The following ZDHHC20 variants were observed in gnomAD, a reference collection of about 807,000 sequenced individuals.
ZDHHC20 encodes the protein palmitoyltransferase ZDHHC20.
In ZDHHC20, 43 loss-of-function variants were observed where a neutral mutation model predicts 57.8. The ratio of observed to expected loss-of-function variants is 0.74; its 90% CI spans 0.58 to 0.96. The LOEUF (loss-of-function observed/expected upper bound fraction) is 0.96. Ranked by LOEUF, ZDHHC20 falls within the 40% of genes least tolerant of loss-of-function variation. The pLI is 0.00. For missense variants in ZDHHC20, 391 were observed against 441.1 expected (o/e 0.89, Z 1.02); for synonymous variants, 157 against 153.0 (o/e 1.03, Z -0.19).
chr13:21,424,110 T>C (rs1269557747), intron 2 of ZDHHC20, among the ~76,000 whole-genome samples: 2 of 152,134 alleles, frequency 1.3e-5, no homozygotes, highest in East Asian at 1.9e-4. Context: ...AGACCTAGAA[T>C]ATGGTAAGTA....
At chr13:21,450,188 T>A (rs1453132380) in intron 1 of ZDHHC20, among the ~76,000 whole-genome samples, 1 of 152,130 alleles carries the variant, frequency 6.6e-6, no homozygotes, top group Non-Finnish European at 1.5e-5. Flanking sequence ...GAGTTTTGTC[T>A]ACAATGCCTA....
Position 21,451,604 on chromosome 13 carries a change from A to T in ZDHHC20, c.118+7450T>A, listed in dbSNP as rs556651988. On this transcript the variant is annotated intron_variant, in intron 1 of 12. Transcript: ENST00000400590. ...TGAAAACAGAAAAATACAAATTAGGATGTGAAGTGAAGAGTAGGGGAGAAA... is the reference window on the plus strand; with the variant it reads ...TGAAAACAGAAAAATACAAATTAGGTTGTGAAGTGAAGAGTAGGGGAGAAA... Among the ~76,000 whole-genome samples the T allele has an allele frequency of 7.9e-5, 12 of 152,314 alleles. No individual in the cohort carries two copies. The South Asian group carries it at 2.3e-3, about 29-fold the overall frequency.
At chr13:21,443,836 C>G (rs757850667) in intron 1 of ZDHHC20, among the ~76,000 whole-genome samples, 1 of 152,156 alleles carries the variant, frequency 6.6e-6, no homozygotes, top group Admixed American at 6.5e-5. Context: ...CCACATGTGG[C>G]TATAGATAAC....
At chr13:21,445,198 C>T (rs979778409) in intron 1 of ZDHHC20, among the ~76,000 whole-genome samples, 1 of 151,894 alleles carries the variant, frequency 6.6e-6, no homozygotes, top group Non-Finnish European at 1.5e-5. Context: ...TAATGAAAGG[C>T]CTGCAAATAG....
intron 8 of ZDHHC20, among the ~76,000 whole-genome samples, chr13:21,389,674 G>A (rs1190597148): frequency 1.3e-5 from 2 of 152,140 alleles, no homozygotes; most frequent in African/African-American, 2.4e-5. Flanking sequence ...AAGAAGGCAC[G>A]ACTGGCAAGA....
intron 1 of ZDHHC20, among the ~76,000 whole-genome samples, chr13:21,426,862 C>T (rs1881322886): frequency 6.6e-6 from 1 of 152,208 alleles, no homozygotes; most frequent in Non-Finnish European, 1.5e-5. Context: ...CCCACCTCAG[C>T]CTCCCAAAGT....
chr13:21,381,677 C>T, intron 10 of ZDHHC20, 128 bp from the exon 11 acceptor site: 1 of 652,986 alleles, frequency 1.5e-6, no homozygotes. Context: ...GATCTTAGCA[C>T]TCTGAAAAAA....
rs188485056 is a variant in ZDHHC20 at position 21,406,815 on chromosome 13, C to T, written c.371-3949G>A. ...GGCATTTGGGTTGGTTCCAAGTCTTCGCTATTGTGAACAGTGCTGCAATAA... is the reference window on the plus strand; with the variant it reads ...GGCATTTGGGTTGGTTCCAAGTCTTTGCTATTGTGAACAGTGCTGCAATAA... On this transcript the variant is annotated intron_variant, in intron 4 of 12. Transcript: ENST00000400590. Among the ~76,000 whole-genome samples the T allele has an allele frequency of 1.7e-3, 253 of 152,210 alleles. 1 individual carries two copies. The highest frequency in any genetic ancestry group is 5.7e-3 in the African/African-American group (235 of 41,544).
At chr13:21,428,241 G>C (rs1027571140) in intron 1 of ZDHHC20, among the ~76,000 whole-genome samples, 6 of 151,938 alleles carry the variant, frequency 3.9e-5, no homozygotes, top group African/African-American at 1.5e-4. Context: ...TTGTTTTTGA[G>C]ACAGAGTTTT....
At position 21,402,950 on chromosome 13, in the gene ZDHHC20, AT is replaced by A. The variant is rs199792487; in HGVS notation, c.371-85del. ...ATTAAAACTTGATTTTCTAAAAAAA[AT>A]AACTCTGGGTAATTGATAACTAATA... On this transcript the variant is annotated intron_variant, in intron 4 of 12. Transcript: ENST00000400590. 2.5e-5 allele frequency: 26 copies of A among 1,047,432 alleles called. No individual in the cohort carries two copies. The Admixed American group carries it at 4.1e-4, about 17-fold the overall frequency. 64.9% of individuals were successfully genotyped at this position (1,047,432 alleles called of 1,614,324 possible). A position where few individuals can be genotyped will look rare whatever the true frequency, so the allele number is the denominator to read the frequency against.
chr13:21,392,961 T>A (rs1490002065), intron 7 of ZDHHC20, among the ~76,000 whole-genome samples: 1 of 152,164 alleles, frequency 6.6e-6, no homozygotes, highest in Non-Finnish European at 1.5e-5. Context: ...TATTTTACCT[T>A]TGGACAACTC....
chr13:21,397,397 C>T (rs1448521540), intron 7 of ZDHHC20, among the ~76,000 whole-genome samples: 2 of 151,306 alleles, frequency 1.3e-5, no homozygotes, highest in East Asian at 1.9e-4. Context: ...CTCGGTGGCT[C>T]GCACCTGTAA....
chr13:21,425,432 CTACTT>C (rs1881142311), intron 2 of ZDHHC20, among the ~76,000 whole-genome samples: 2 of 152,112 alleles, frequency 1.3e-5, no homozygotes, highest in African/African-American at 4.8e-5. Context: ...AAAATAATGT[CTACTT>C]TAATTTACAT....
In ZDHHC20 at chr13:21,401,570, C is replaced by A. The variant is rs1034912053; in HGVS notation, c.473+83G>T. On this transcript the variant is annotated intron_variant, in intron 6 of 12. Coordinates refer to ENST00000400590, the MANE Select transcript of ZDHHC20 (RefSeq NM_001330059.2). ...ATCTTAATATCTATGAGTAAACTGG[C>A]CTTCAAAATTTAGGAATACTGAAGT... 5.6e-6 allele frequency: 7 copies of A among 1,247,442 alleles called. No homozygotes were observed. In the South Asian group the frequency reaches 8.9e-5, roughly 16 times the overall value. 77.3% of individuals were successfully genotyped at this position (1,247,442 alleles called of 1,614,324 possible). A position where few individuals can be genotyped will look rare whatever the true frequency, so the allele number is the denominator to read the frequency against.
rs1238794080 is a variant in ZDHHC20 at position 21,421,148 on chromosome 13, G to A, written c.162C>T (p.Tyr54=). 6.2e-7 allele frequency: 1 copy of A among 1,612,992 alleles called. No individual in the cohort carries two copies. Residue 54 remains tyrosine (Y), a synonymous_variant, in exon 3 of 13, where the codon TAC becomes TAT. Transcript: ENST00000400590. ...CAAAGAACAGATGGAAAGCCACAAG[G>A]TAAACAACGGTCTTTCCTGGTAAAT... ...GNEENGKTVV[Y]LVAFHLFFVM...
At chr13:21,399,100 T>C (rs936176813) in intron 7 of ZDHHC20, among the ~76,000 whole-genome samples, 1 of 152,204 alleles carries the variant, frequency 6.6e-6, no homozygotes, top group African/African-American at 2.4e-5. Context: ...CCCAGCACTT[T>C]GGGAGGCCAA....
chr13:21,419,465 A>C (rs771128077), intron 3 of ZDHHC20, among the ~76,000 whole-genome samples: 1 of 152,246 alleles, frequency 6.6e-6, no homozygotes, highest in Non-Finnish European at 1.5e-5. Flanking sequence ...CCACATGCTC[A>C]TCAACAGTAG....
chr13:21,391,223 T>C (rs1875649015), intron 8 of ZDHHC20, among the ~76,000 whole-genome samples: 1 of 152,166 alleles, frequency 6.6e-6, no homozygotes, highest in Non-Finnish European at 1.5e-5. Context: ...CATCTTGGCC[T>C]CCCAAAGTGC....
rs1566070818 is a variant in ZDHHC20 at position 21,391,865 on chromosome 13, A to G, written c.595-11T>C. On this transcript the variant is annotated splice_polypyrimidine_tract_variant and intron_variant, in intron 7 of 12. Coordinates refer to ENST00000400590, the MANE Select transcript of ZDHHC20 (RefSeq NM_001330059.2). ...ATCTGTCAGTTCATTCTGAGGAAAAAAAGAAGTTAATTTTGAGGTCAACCT... is the reference window on the plus strand; with the variant it reads ...ATCTGTCAGTTCATTCTGAGGAAAAGAAGAAGTTAATTTTGAGGTCAACCT... The G allele has an allele frequency of 2.5e-6, 4 of 1,605,120 alleles. No individual in the cohort carries two copies. The highest frequency in any genetic ancestry group is 1.7e-5 in the Admixed American group (1 of 58,170).
Sources: allele counts gnomAD v4.1 joint callset (sites outside exome capture counted in the v4.1 genomes callset), GRCh38; gene constraint gnomAD v4.1.1; transcripts MANE v1.5; gene names NCBI Gene and HGNC (gene_info 2026-07-23, HGNC 2026-07-21).